DCT: variants seen among roughly 807,000 people sequenced by gnomAD.
DCT encodes L-dopachrome tautomerase.
DCT carries 47 observed loss-of-function variants against 53.0 expected under a neutral mutation model. The observed-to-expected ratio is 0.89, with a 90% confidence interval of 0.70 to 1.13. DCT has a LOEUF of 1.13. Ranked by LOEUF, DCT falls within the 50% of genes most tolerant of loss-of-function variation. The pLI is 0.00. For synonymous variants in DCT, 244 were observed against 237.0 expected (o/e 1.03, Z -0.27); for missense variants, 669 against 637.4 (o/e 1.05, Z -0.53).
intron 1 of DCT, among the ~76,000 whole-genome samples, chr13:94,472,544 ATATATATATATATATATATATATATTTT>A (rs1884755752): frequency 6.7e-4 from 18 of 26,712 alleles, no homozygotes; most frequent in East Asian, 1.6e-3. Context: ...ATATATATAT[ATATATATATATATATATATATATATTTT>A]TTTTTTTTTT....
chr13:94,489,915 T>C, the DCT span, among the ~76,000 whole-genome samples: 1 of 152,162 alleles, frequency 6.6e-6, no homozygotes, highest in Admixed American at 6.5e-5. Flanking sequence ...AGAAATGAAG[T>C]TGTTTTCTTC....
chr13:94,470,306 T>C (rs915386215), intron 1 of DCT, among the ~76,000 whole-genome samples: 4 of 152,160 alleles, frequency 2.6e-5, no homozygotes, highest in African/African-American at 9.7e-5. Flanking sequence ...ACAGGATTTC[T>C]GTCAGCTGCA....
At chr13:94,541,077 A>G in the DCT span, among the ~76,000 whole-genome samples, 1,043 of 152,294 alleles carry the variant, frequency 6.8e-3, 5 homozygotes, top group Middle Eastern at 0.01. Context: ...CATATGTGGG[A>G]GCTAAAAAAT....
chr13:94,484,371 C>A (rs911716977), upstream of DCT, among the ~76,000 whole-genome samples: 1 of 152,250 alleles, frequency 6.6e-6, no homozygotes, highest in Non-Finnish European at 1.5e-5. Context: ...CATTTGAAAT[C>A]AACTTAAAGC....
chr13:94,539,831 A>G, the DCT span, among the ~76,000 whole-genome samples: 1 of 152,160 alleles, frequency 6.6e-6, no homozygotes, highest in Non-Finnish European at 1.5e-5. Context: ...AGAAAGGAAA[A>G]GTATGGTGTT....
chr13:94,480,182 G>A (rs1330415418), upstream of DCT, among the ~76,000 whole-genome samples: 1 of 152,116 alleles, frequency 6.6e-6, no homozygotes. Context: ...CATCTACGCA[G>A]CAATTTTTTT....
the DCT span, among the ~76,000 whole-genome samples, chr13:94,520,522 A>G: frequency 6.6e-6 from 1 of 152,236 alleles, no homozygotes; most frequent in African/African-American, 2.4e-5. Context: ...GGAGCCTCAG[A>G]TCAGTTGTGG....
chr13:94,479,520 A>G lies in DCT; in HGVS notation c.-265T>C, dbSNP rs192445321. 6.7e-5 allele frequency: 26 copies of G among 385,506 alleles called. No individual in the cohort carries two copies. The East Asian group carries it at 1.1e-3, about 17-fold the overall frequency. 23.9% of individuals were successfully genotyped at this position (385,506 alleles called of 1,614,324 possible). A position where few individuals can be genotyped will look rare whatever the true frequency, so the allele number is the denominator to read the frequency against. ...CCTTAGAAGCGCCTCTAACAACCAA[A>G]TTTAATGAGGGTAGCGCTTCTCACC... On this transcript the variant is annotated 5_prime_UTR_variant, in exon 1 of 8. Coordinates refer to ENST00000377028, the MANE Select transcript of DCT (RefSeq NM_001922.5).
the DCT span, among the ~76,000 whole-genome samples, chr13:94,511,655 C>T: frequency 2.6e-5 from 4 of 152,202 alleles, no homozygotes; most frequent in East Asian, 3.9e-4. Flanking sequence ...CCACCGCATC[C>T]GGCCTCATAA....
At chr13:94,518,555 T>C in the DCT span, among the ~76,000 whole-genome samples, 1 of 152,212 alleles carries the variant, frequency 6.6e-6, no homozygotes, top group African/African-American at 2.4e-5. Flanking sequence ...TCAAATTCTG[T>C]TGATTTTAGT....
At chr13:94,454,812 A>G (rs948828810) in intron 6 of DCT, among the ~76,000 whole-genome samples, 1 of 152,236 alleles carries the variant, frequency 6.6e-6, no homozygotes, top group Non-Finnish European at 1.5e-5. Flanking sequence ...CTTCAGCATA[A>G]AACTCTTTGA....
intron 4 of DCT, among the ~76,000 whole-genome samples, chr13:94,464,868 C>G (rs1306320620): frequency 6.6e-6 from 1 of 152,136 alleles, no homozygotes; most frequent in Non-Finnish European, 1.5e-5. Flanking sequence ...GATCATCCTT[C>G]CCCGGCTGGC....
At chr13:94,485,266 C>A in the DCT span, among the ~76,000 whole-genome samples, 1 of 152,134 alleles carries the variant, frequency 6.6e-6, no homozygotes, top group Non-Finnish European at 1.5e-5. Flanking sequence ...GGATTCATGA[C>A]CCTGCCCTTG....
intron 1 of DCT, among the ~76,000 whole-genome samples, chr13:94,471,081 G>T (rs1391225014): frequency 6.6e-6 from 1 of 152,162 alleles, no homozygotes; most frequent in African/African-American, 2.4e-5. Flanking sequence ...ATAGAGGTAA[G>T]TAAAAAGTAC....
chr13:94,470,321 G>A (rs1225371326), intron 1 of DCT, among the ~76,000 whole-genome samples: 1 of 152,158 alleles, frequency 6.6e-6, no homozygotes, highest in Non-Finnish European at 1.5e-5. Flanking sequence ...GCTGCACAAA[G>A]CTCCCTGCTT....
chr13:94,492,455 C>G, the DCT span, among the ~76,000 whole-genome samples: 3 of 152,170 alleles, frequency 2.0e-5, no homozygotes, highest in African/African-American at 7.2e-5. Context: ...TCTTTGTGTT[C>G]CAGGGCAACA....
chr13:94,466,745 A>G (rs1884252273), intron 2 of DCT, 87 bp from the exon 3 acceptor site: 5 of 781,738 alleles, frequency 6.4e-6, no homozygotes, highest in Non-Finnish European at 4.0e-6. Flanking sequence ...TATAGAGCCA[A>G]TAAGTCCATG....
chr13:94,542,605 G>A, the DCT span, among the ~76,000 whole-genome samples: 1 of 152,068 alleles, frequency 6.6e-6, no homozygotes, highest in African/African-American at 2.4e-5. Context: ...TGCTTCATGC[G>A]TTCAATTCCC....
At chr13:94,486,239 C>T in the DCT span, among the ~76,000 whole-genome samples, 10 of 152,298 alleles carry the variant, frequency 6.6e-5, no homozygotes, top group African/African-American at 2.4e-4. Context: ...AATCTCTTAT[C>T]TCCTACTCCA....
Sources: allele counts gnomAD v4.1 joint callset (sites outside exome capture counted in the v4.1 genomes callset), GRCh38; gene constraint gnomAD v4.1.1; transcripts MANE v1.5; gene names NCBI Gene and HGNC (gene_info 2026-07-23, HGNC 2026-07-21).